BLACAT1: variants seen among roughly 807,000 people sequenced by gnomAD.
BLACAT1 encodes bladder cancer associated transcript 1.
intron 1 of BLACAT1, among the ~76,000 whole-genome samples, 180 bp downstream of exon 1, chr1:205,455,737 G>C (rs1399318102): frequency 6.6e-6 from 1 of 152,106 alleles, no homozygotes; most frequent in African/African-American, 2.4e-5. Flanking sequence ...CCCGCCGCCG[G>C]TCAGCTTTCA....
chr1:205,444,134 C>T (rs1009608579), intron 1 of BLACAT1, among the ~76,000 whole-genome samples: 4 of 152,078 alleles, frequency 2.6e-5, no homozygotes, highest in Admixed American at 6.5e-5. Flanking sequence ...CCCATCCTCC[C>T]CCTCCTTTTC....
chr1:205,439,868 A>T (rs1666264851), downstream of BLACAT1, among the ~76,000 whole-genome samples: 1 of 151,750 alleles, frequency 6.6e-6, no homozygotes, highest in Non-Finnish European at 1.5e-5. Flanking sequence ...GGAAGGAAGA[A>T]GGAAAGAGGG....
At chr1:205,454,731 C>T (rs908498531) in intron 1 of BLACAT1, among the ~76,000 whole-genome samples, 2 of 152,046 alleles carry the variant, frequency 1.3e-5, no homozygotes, top group African/African-American at 4.8e-5. Flanking sequence ...GAGGACAATC[C>T]CTTTCCCCTC....
rs1038971286 is a variant in BLACAT1, at chr1:205,450,122, G to A, written c.-37+5795C>T. Among the ~76,000 whole-genome samples the A allele has an allele frequency of 5.9e-5, 9 of 152,134 alleles. No homozygotes were observed. Among genetic ancestry groups the A allele is most frequent in the Admixed American group, 2.6e-4 (4 of 15,294 alleles). On this transcript the variant is annotated intron_variant, in intron 1 of 1. Transcript: ENST00000629624. The surrounding 1 kb of genome is among the most constrained non-coding windows in gnomAD (Gnocchi z 4.4). ...GGACGGTGGGGGTGGGGGTGGGGGC[G>A]GGCTGGGCAGGCGGGGCAGCCAGGT...
chr1:205,443,083 A>G (rs146466291), intron 1 of BLACAT1, among the ~76,000 whole-genome samples: 32 of 152,276 alleles, frequency 2.1e-4, no homozygotes, highest in African/African-American at 7.5e-4. Context: ...GTAATCAGTT[A>G]TTGTCACACG....
exon 2 of BLACAT1, among the ~76,000 whole-genome samples, chr1:205,440,056 C>T (rs1367465946): frequency 3.9e-5 from 6 of 152,036 alleles, no homozygotes; most frequent in Non-Finnish European, 8.8e-5. Flanking sequence ...ACGCAGTCCC[C>T]TCTATGGCTT....
At chr1:205,447,246 A>T (rs561405987) in intron 1 of BLACAT1, among the ~76,000 whole-genome samples, 2 of 152,234 alleles carry the variant, frequency 1.3e-5, no homozygotes, top group Admixed American at 6.5e-5. Context: ...CAGAATTCCC[A>T]TAAGTTAAAT....
chr1:205,452,824 A>G (rs1300484385), intron 1 of BLACAT1, among the ~76,000 whole-genome samples: 1 of 152,240 alleles, frequency 6.6e-6, no homozygotes, highest in Admixed American at 6.5e-5. Context: ...ACTCCAATCC[A>G]AAAAGACTAA....
At chr1:205,446,032 G>T (rs922055683) in intron 1 of BLACAT1, among the ~76,000 whole-genome samples, 11 of 152,192 alleles carry the variant, frequency 7.2e-5, no homozygotes, top group Non-Finnish European at 1.6e-4. Context: ...TATATCTGAG[G>T]ACTGTAAAAA....
chr1:205,442,311 C>A (rs1458433730), intron 1 of BLACAT1, among the ~76,000 whole-genome samples: 1 of 152,174 alleles, frequency 6.6e-6, no homozygotes, highest in Non-Finnish European at 1.5e-5. Context: ...CCTTCTCCAG[C>A]CCCTCAAGCA....
At chr1:205,449,184 A>C (rs890293109) in intron 1 of BLACAT1, among the ~76,000 whole-genome samples, 2 of 152,152 alleles carry the variant, frequency 1.3e-5, no homozygotes, top group African/African-American at 4.8e-5. Context: ...GTTAGCACAG[A>C]CATCTCTAGG....
chr1:205,445,111 C>T (rs1227710689), intron 1 of BLACAT1, among the ~76,000 whole-genome samples: 3 of 152,010 alleles, frequency 2.0e-5, no homozygotes, highest in East Asian at 1.9e-4. Context: ...GGGATTAGCT[C>T]GGGCGGTGGA....
intron 1 of BLACAT1, among the ~76,000 whole-genome samples, chr1:205,454,577 C>T (rs1477626567): frequency 6.6e-6 from 1 of 151,608 alleles, no homozygotes; most frequent in African/African-American, 2.4e-5. Context: ...ATCCTCTTTT[C>T]CTGCCTCTGT....
In BLACAT1 at chr1:205,441,936, G is replaced by A. The variant is rs961379708; in HGVS notation, c.-36-874C>T. On this transcript the variant is annotated intron_variant, in intron 1 of 1. Transcript: ENST00000629624. This position sits in a 1 kb window ranked among gnomAD's most constrained non-coding sequence, Gnocchi z 4.3. ...TGGTATCTGTTGCAGTCTGGCTGGGGAAGAGAGGGAGCTTCAGGAGCTCAG... is the reference window on the plus strand; with the variant it reads ...TGGTATCTGTTGCAGTCTGGCTGGGAAAGAGAGGGAGCTTCAGGAGCTCAG... Among the ~76,000 whole-genome samples, 1 of 152,196 alleles carries A rather than the reference G, an allele frequency of 6.6e-6. No individual in the cohort carries two copies. Among genetic ancestry groups the A allele is most frequent in the African/African-American group, 2.4e-5 (1 of 41,454 alleles).
At chr1:205,439,423 T>A (rs1357264662), downstream of BLACAT1, among the ~76,000 whole-genome samples, 2 of 152,204 alleles carry the variant, frequency 1.3e-5, no homozygotes, top group Non-Finnish European at 2.9e-5. Flanking sequence ...TCCCACCCAA[T>A]CTGCCCAAAG....
At chr1:205,451,489 C>T (rs532015154) in intron 1 of BLACAT1, among the ~76,000 whole-genome samples, 8 of 152,178 alleles carry the variant, frequency 5.3e-5, no homozygotes, top group Non-Finnish European at 1.5e-5. Flanking sequence ...GACAGCCACC[C>T]GCCCTGCTTG....
At chr1:205,451,341 C>G (rs1281454075) in intron 1 of BLACAT1, among the ~76,000 whole-genome samples, 3 of 152,214 alleles carry the variant, frequency 2.0e-5, no homozygotes, top group Admixed American at 2.0e-4. Flanking sequence ...GAGTTTCCAC[C>G]CCTCCCTAGC....
At chr1:205,453,268 T>C (rs900671156) in intron 1 of BLACAT1, among the ~76,000 whole-genome samples, 6 of 152,142 alleles carry the variant, frequency 3.9e-5, no homozygotes, top group African/African-American at 1.4e-4. Context: ...CCCACATACA[T>C]TGTCCTCCAG....
At chr1:205,436,696 G>A (rs1666213233), downstream of BLACAT1, 1 of 152,206 alleles carries the variant, frequency 6.6e-6, no homozygotes, top group South Asian at 2.1e-4. Context: ...CTTGGTTCTT[G>A]TGGTACTGTC....
Sources: gnomAD v4.1 joint callset for allele counts (sites outside exome capture counted in the v4.1 genomes callset) on GRCh38, gnomAD v4.1.1 for gene constraint, Gnocchi (gnomAD v3.1) non-coding constraint, MANE v1.5 for transcripts, NCBI Gene and HGNC (gene_info 2026-07-23, HGNC 2026-07-21) for gene names.